INPP5F: variants seen among roughly 807,000 people sequenced by gnomAD.
The protein encoded by INPP5F is phosphatidylinositide 4-phosphatase SAC2.
Under a neutral mutation model 137.2 loss-of-function variants are expected in INPP5F, and 97 were observed. The observed-to-expected ratio is 0.71, with a 90% CI of 0.60 to 0.84. The LOEUF is 0.84. Ranked by LOEUF, INPP5F falls within the 40% of genes least tolerant of loss-of-function variation. The pLI is 0.00. For missense variants in INPP5F, 1,271 were observed against 1,371.9 expected (o/e 0.93, Z 1.16); for synonymous variants, 504 against 476.9 (o/e 1.06, Z -0.74).
chr10:119,793,163 G>C (rs921373177), intron 6 of INPP5F, among the ~76,000 whole-genome samples: 1 of 152,136 alleles, frequency 6.6e-6, no homozygotes, highest in Non-Finnish European at 1.5e-5. Flanking sequence ...ATGTTTTGCC[G>C]AGTTTTTGTC....
intron 6 of INPP5F, among the ~76,000 whole-genome samples, chr10:119,795,483 G>A (rs1008568923): frequency 9.2e-5 from 14 of 151,764 alleles, no homozygotes; most frequent in East Asian, 5.9e-4. Flanking sequence ...GACGATGGGC[G>A]GCCGGGCAGA....
At chr10:119,732,814 T>C (rs1848122672) in intron 1 of INPP5F, among the ~76,000 whole-genome samples, 1 of 152,228 alleles carries the variant, frequency 6.6e-6, no homozygotes, top group African/African-American at 2.4e-5. Context: ...TAATCTCAGC[T>C]GCAACTGAGC....
intron 6 of INPP5F, among the ~76,000 whole-genome samples, chr10:119,794,846 G>A (rs1850288910): frequency 8.8e-6 from 1 of 114,272 alleles, no homozygotes; most frequent in Non-Finnish European, 2.0e-5. Context: ...CCGGGCGGGG[G>A]TCTGACCCCC....
intron 1 of INPP5F, among the ~76,000 whole-genome samples, chr10:119,743,659 C>CGGGGG (rs71019711): frequency 3.1e-5 from 1 of 31,862 alleles, no homozygotes; most frequent in Admixed American, 4.3e-4. Context: ...GGGCGGGGGG[C>CGGGGG]GGGGGGGGGG....
chr10:119,731,402 G>T (rs1380262746), intron 1 of INPP5F, among the ~76,000 whole-genome samples: 12 of 151,904 alleles, frequency 7.9e-5, no homozygotes, highest in Admixed American at 7.2e-4. Flanking sequence ...GGTGGCTCGC[G>T]CCTGTAATCC....
rs1848457082 is a variant in INPP5F at position 119,744,111 on chromosome 10, CTCT to C, written c.98-6961_98-6959del. ...CTCCATACACTGTGGTTTTTGTTTT[CTCT>C]TCTATTCTGTTTTAGTGCTATTAAT... On this transcript the variant is annotated intron_variant, in intron 1 of 19. Transcript: ENST00000650623. Among the ~76,000 whole-genome samples the C allele has an allele frequency of 2.0e-5, 3 of 152,038 alleles. No individual in the cohort carries two copies. The South Asian group carries it at 6.3e-4, about 32-fold the overall frequency.
intron 11 of INPP5F, 125 bp downstream of exon 11, chr10:119,805,586 CT>C: frequency 3.0e-6 from 2 of 677,130 alleles, no homozygotes; most frequent in East Asian, 5.4e-5. Context: ...TTCCCAGTTC[CT>C]ATTCTTTTCA....
At chr10:119,745,274 C>T (rs1848496881) in intron 1 of INPP5F, among the ~76,000 whole-genome samples, 1 of 152,000 alleles carries the variant, frequency 6.6e-6, no homozygotes, top group Non-Finnish European at 1.5e-5. Flanking sequence ...CCTGTGGATT[C>T]TTCACCCACT....
At chr10:119,779,265 C>T (rs902931156) in intron 2 of INPP5F, among the ~76,000 whole-genome samples, 2 of 152,126 alleles carry the variant, frequency 1.3e-5, no homozygotes, top group Non-Finnish European at 2.9e-5. Context: ...ATGAATGGAA[C>T]TTGCGGAACC....
At chr10:119,823,474 C>T (rs982716896) in intron 18 of INPP5F, among the ~76,000 whole-genome samples, 1 of 152,186 alleles carries the variant, frequency 6.6e-6, no homozygotes, top group African/African-American at 2.4e-5. Flanking sequence ...CAAGGCTCTT[C>T]ACATGTCATG....
chr10:119,821,864 CTTTTTTTTTT>C (rs11347174), intron 16 of INPP5F, among the ~76,000 whole-genome samples: 30 of 88,152 alleles, frequency 3.4e-4, no homozygotes, highest in Admixed American at 9.9e-4. Context: ...CTTGTAGTTG[CTTTTTTTTTT>C]TTTTTTTTTT....
chr10:119,818,221 C>T (rs899396132), intron 15 of INPP5F, among the ~76,000 whole-genome samples: 37 of 152,242 alleles, frequency 2.4e-4, no homozygotes, highest in Middle Eastern at 3.2e-3. Flanking sequence ...GCAGGAAACC[C>T]CCGACTCTAT....
intron 10 of INPP5F, 25 bp from the exon 11 acceptor site, chr10:119,805,359 T>A: frequency 6.3e-7 from 1 of 1,576,550 alleles, no homozygotes; most frequent in Non-Finnish European, 8.7e-7. Flanking sequence ...TAAAGATTTT[T>A]TCTTTCTTTT....
chr10:119,755,689 C>T (rs537653520), intron 2 of INPP5F, among the ~76,000 whole-genome samples: 2 of 152,296 alleles, frequency 1.3e-5, no homozygotes, highest in Admixed American at 6.5e-5. Context: ...CCTCAAGTAT[C>T]GTTGGCTAGG....
rs1851052953 is a variant in INPP5F, at chr10:119,811,952, C to T, written c.1883C>T (p.Pro628Leu). The T allele has an allele frequency of 5.0e-6, 8 of 1,613,536 alleles. No homozygotes were observed. The highest frequency in any genetic ancestry group is 1.3e-5 in the African/African-American group (1 of 74,902). ...HGGWALIDCD[P>L]SLIDATHRDV... is the part of the protein sequence containing the mutation. ...GGCTGGGCCCTCATTGACTGTGACC[C>T]TAGGTGAGTTGGAGTGGTGTCCAGG... is the stretch of plus-strand genomic sequence containing the variant. The change falls in exon 15 of 20, where the codon CCT (proline) becomes CTT (leucine). Residue 628 changes from proline (P) to leucine (L), a missense_variant. Physicochemically the swap from Pro to Leu is moderately conservative, Grantham distance 98. Around this residue, in one of 6 missense-constraint regions of INPP5F, gnomAD observed 593 missense variants for 712.4 expected, o/e 0.83. Coordinates refer to ENST00000650623, the MANE Select transcript of INPP5F (RefSeq NM_014937.4).
At position 119,826,908 on chromosome 10, in the gene INPP5F, G is replaced by A. The variant is rs1465781244; in HGVS notation, c.2527G>A (p.Val843Ile). 1 of 1,614,102 alleles carries A rather than the reference G, an allele frequency of 6.2e-7. No homozygotes were observed. Among genetic ancestry groups the A allele is most frequent in the Non-Finnish European group, 8.5e-7 (1 of 1,179,982 alleles). Residue 843 changes from valine to isoleucine, a missense_variant, in exon 20 of 20, where the codon GTT (valine) becomes ATT (isoleucine). Physicochemically the swap from Val to Ile is conservative, Grantham distance 29. This residue lies in a region of INPP5F where 490 missense variants were observed against 443.7 expected (regional missense o/e 1.10). Transcript: ENST00000650623. Reference protein sequence around the residue: ...TMENTGVMDKVQAESDGDMSS... With the variant: ...TMENTGVMDKIQAESDGDMSS... ...GGAAAACACAGGAGTGATGGATAAG[G>A]TTCAGGCAGAGTCTGATGGGGACAT...
chr10:119,792,268 C>T (rs1850174367), intron 6 of INPP5F, 55 bp downstream of exon 6: 1 of 1,236,726 alleles, frequency 8.1e-7, no homozygotes, highest in Non-Finnish European at 1.2e-6. Flanking sequence ...CTGTTTGTTT[C>T]TAAAACGTCT....
intron 2 of INPP5F, among the ~76,000 whole-genome samples, chr10:119,759,964 G>A (rs143246994): frequency 9.5e-4 from 145 of 152,130 alleles, no homozygotes; most frequent in Non-Finnish European, 1.6e-3. Context: ...TCTTGAGCCC[G>A]TCTCCTTGGT....
At position 119,822,045 on chromosome 10, in the gene INPP5F, G is replaced by A. The variant is rs1051634659; in HGVS notation, c.1959-386G>A. Among the ~76,000 whole-genome samples, 82 of 151,646 alleles carry A rather than the reference G, an allele frequency of 5.4e-4. 1 individual carries two copies. The highest frequency in any genetic ancestry group is 2.9e-4 in the Non-Finnish European group (20 of 67,848). The stretch of plus-strand genomic sequence containing the variant: ...AGCTGGGATTACAGGCGCCTGCCAC[G>A]ACGCCCAGCTAATTTTGTATTTTTA... On this transcript the variant is annotated intron_variant, in intron 16 of 19. Coordinates refer to ENST00000650623, the MANE Select transcript of INPP5F (RefSeq NM_014937.4).
Sources: allele counts gnomAD v4.1 joint callset (sites outside exome capture counted in the v4.1 genomes callset), GRCh38; gene constraint gnomAD v4.1.1; regional missense constraint gnomAD v4.1.1; transcripts MANE v1.5; gene names NCBI Gene and HGNC (gene_info 2026-07-23, HGNC 2026-07-21).